The following NCKAP5 variants were observed in gnomAD, a reference collection of about 807,000 sequenced individuals.
The protein encoded by NCKAP5 is nck-associated protein 5.
A neutral mutation model predicts 167.0 loss-of-function variants in NCKAP5; 92 were observed. The ratio of observed to expected loss-of-function variants is 0.55; its 90% CI spans 0.47 to 0.66. The LOEUF (loss-of-function observed/expected upper bound fraction) is 0.66. Among genes scored for constraint, NCKAP5 ranks in the 30% least tolerant of loss-of-function variants. NCKAP5 has a pLI of 0.00. For missense variants in NCKAP5, 2,378 were observed against 2,315.0 expected, an observed-to-expected ratio of 1.03 and a Z score of -0.56; for synonymous variants, 891 against 877.4, an observed-to-expected ratio of 1.02 and a Z score of -0.27.
intron 3 of NCKAP5, among the ~76,000 whole-genome samples, chr2:133,495,326 C>G (rs1681846769): frequency 6.6e-6 from 1 of 152,098 alleles, no homozygotes; most frequent in African/African-American, 2.4e-5. Flanking sequence ...AAATATTTTA[C>G]AGAGTTTGAC....
At chr2:132,736,234 A>G (rs1691491348) in intron 16 of NCKAP5, among the ~76,000 whole-genome samples, 1 of 152,212 alleles carries the variant, frequency 6.6e-6, no homozygotes, top group Non-Finnish European at 1.5e-5. Flanking sequence ...AACCTTTGGA[A>G]ATGGAAGTTT....
At chr2:133,233,362 GT>G (rs755284016) in intron 4 of NCKAP5, among the ~76,000 whole-genome samples, 157 of 152,192 alleles carry the variant, frequency 1.0e-3, no homozygotes, top group Non-Finnish European at 1.4e-3. Flanking sequence ...CATAAATAGT[GT>G]CTAACTCTAT....
At chr2:132,899,492 T>C (rs1324781677) in intron 8 of NCKAP5, among the ~76,000 whole-genome samples, 1 of 152,272 alleles carries the variant, frequency 6.6e-6, no homozygotes, top group African/African-American at 2.4e-5. Flanking sequence ...AACTTGGCTG[T>C]TTGGGGCATG....
intron 5 of NCKAP5, among the ~76,000 whole-genome samples, chr2:133,194,362 A>G (rs1455359675): frequency 6.6e-6 from 1 of 152,072 alleles, no homozygotes; most frequent in Non-Finnish European, 1.5e-5. Context: ...CACCACACAA[A>G]GCTGTTGAAA....
chr2:133,667,978 C>T, the NCKAP5 span, among the ~76,000 whole-genome samples: 3 of 151,948 alleles, frequency 2.0e-5, no homozygotes, highest in African/African-American at 7.3e-5. Context: ...CAATTGTCTA[C>T]TTTATTTTTC....
chr2:133,638,027 G>A, the NCKAP5 span, among the ~76,000 whole-genome samples: 2 of 152,132 alleles, frequency 1.3e-5, no homozygotes, highest in Non-Finnish European at 2.9e-5. Context: ...AAGAAATTAA[G>A]ATTCCGATGA....
chr2:132,698,135 G>A (rs1291412691), intron 19 of NCKAP5, among the ~76,000 whole-genome samples: 1 of 152,180 alleles, frequency 6.6e-6, no homozygotes, highest in African/African-American at 2.4e-5. Flanking sequence ...GGACAAAACA[G>A]CTTCCAACCA....
intron 3 of NCKAP5, among the ~76,000 whole-genome samples, chr2:133,380,477 C>T (rs1686442962): frequency 6.6e-6 from 1 of 152,094 alleles, no homozygotes; most frequent in African/African-American, 2.4e-5. Context: ...CAGTATTTTT[C>T]CTCTACATTC....
intron 19 of NCKAP5, 64 bp downstream of exon 19, chr2:132,725,563 A>G: frequency 6.6e-7 from 1 of 1,524,146 alleles, no homozygotes. Context: ...GCACAGTGAA[A>G]GGTATAATCA....
chr2:133,040,578 T>A (rs2079182085), intron 6 of NCKAP5, among the ~76,000 whole-genome samples: 1 of 152,210 alleles, frequency 6.6e-6, no homozygotes, highest in Non-Finnish European at 1.5e-5. Context: ...TAATTCATTA[T>A]ATAGGTATAC....
At chr2:133,505,699 T>C (rs1305211825) in intron 3 of NCKAP5, among the ~76,000 whole-genome samples, 1 of 152,206 alleles carries the variant, frequency 6.6e-6, no homozygotes, top group Non-Finnish European at 1.5e-5. Context: ...CAGTTCAGCC[T>C]CATTCTCCAG....
intron 5 of NCKAP5, among the ~76,000 whole-genome samples, chr2:133,187,980 G>A (rs998864667): frequency 1.3e-5 from 2 of 151,964 alleles, no homozygotes; most frequent in African/African-American, 4.8e-5. Flanking sequence ...TACATTTAAG[G>A]TTAATATTGT....
the NCKAP5 span, among the ~76,000 whole-genome samples, chr2:133,672,979 C>T: frequency 6.6e-6 from 1 of 152,206 alleles, no homozygotes; most frequent in Non-Finnish European, 1.5e-5. Flanking sequence ...ATGTTCCTCT[C>T]ATAGCAATCT....
intron 16 of NCKAP5, among the ~76,000 whole-genome samples, chr2:132,756,134 C>A (rs1680534988): frequency 1.3e-5 from 2 of 151,968 alleles, no homozygotes; most frequent in Non-Finnish European, 2.9e-5. Context: ...TTGCAGGAAT[C>A]AATGAAAACA....
At chr2:133,059,042 G>T (rs1035958359) in intron 6 of NCKAP5, among the ~76,000 whole-genome samples, 1 of 152,158 alleles carries the variant, frequency 6.6e-6, no homozygotes, top group Non-Finnish European at 1.5e-5. Context: ...GCTCAAGCCT[G>T]TAATCCCAGC....
At chr2:133,393,234 T>C (rs773561995) in intron 3 of NCKAP5, among the ~76,000 whole-genome samples, 1 of 152,344 alleles carries the variant, frequency 6.6e-6, no homozygotes, top group East Asian at 1.9e-4. Flanking sequence ...CATTGAGTAA[T>C]AAACTCAGTT....
At chr2:133,381,747 C>A (rs1327382291) in intron 3 of NCKAP5, among the ~76,000 whole-genome samples, 5 of 152,178 alleles carry the variant, frequency 3.3e-5, no homozygotes, top group Non-Finnish European at 7.3e-5. Context: ...GCCCCTAAAG[C>A]CATAGCAGCC....
At chr2:133,002,976 G>C (rs2077839031) in intron 6 of NCKAP5, among the ~76,000 whole-genome samples, 1 of 152,226 alleles carries the variant, frequency 6.6e-6, no homozygotes, top group Non-Finnish European at 1.5e-5. Context: ...TTCACATGCA[G>C]CTAAGATGCA....
chr2:133,624,736 G>T, the NCKAP5 span, among the ~76,000 whole-genome samples: 1 of 152,148 alleles, frequency 6.6e-6, no homozygotes, highest in Non-Finnish European at 1.5e-5. Context: ...ACCATTTCCT[G>T]CCCTAACAGC....
Sources: allele counts gnomAD v4.1 joint callset (sites outside exome capture counted in the v4.1 genomes callset), GRCh38; gene constraint gnomAD v4.1.1; transcripts MANE v1.5; gene names NCBI Gene and HGNC (gene_info 2026-07-23, HGNC 2026-07-21).